Variants in RGS7 observed in about 807,000 individuals in gnomAD.
RGS7 encodes regulator of G protein signaling 7.
In RGS7, 27 loss-of-function variants were observed where a neutral mutation model predicts 81.1. That is an observed-to-expected ratio of 0.33 (90% confidence interval 0.25 to 0.46). RGS7 has a LOEUF of 0.46. RGS7 is among the 20% of genes least tolerant of loss of function. The probability of loss-of-function intolerance (pLI) is 1.00; values close to 1 mark genes in which losing one functional copy is unlikely to be tolerated. For missense variants in RGS7, 396 were observed against 607.4 expected (o/e 0.65, Z 3.66); for synonymous variants, 208 against 207.7 (o/e 1.00, Z -0.01).
chr1:240,957,871 T>A (rs1571989937), intron 4 of RGS7, among the ~76,000 whole-genome samples: 1 of 152,196 alleles, frequency 6.6e-6, no homozygotes, highest in Non-Finnish European at 1.5e-5. Context: ...AAAAAATCAC[T>A]CTACTGCATA....
chr1:241,259,453 G>A (rs562970572), intron 2 of RGS7, among the ~76,000 whole-genome samples: 140 of 151,346 alleles, frequency 9.3e-4, no homozygotes, highest in Middle Eastern at 3.4e-3. Flanking sequence ...TCGGTAGTTC[G>A]AGACCAGCCT....
intron 2 of RGS7, among the ~76,000 whole-genome samples, chr1:241,343,492 T>G (rs959661895): frequency 2.0e-5 from 3 of 152,260 alleles, no homozygotes; most frequent in Middle Eastern, 3.4e-3. Flanking sequence ...ATTCAGCCTT[T>G]AAAAAGGAGA....
At chr1:240,952,131 C>T (rs1373155036) in intron 4 of RGS7, among the ~76,000 whole-genome samples, 9 of 151,910 alleles carry the variant, frequency 5.9e-5, no homozygotes, top group Admixed American at 5.9e-4. Context: ...AGAAAGGTTA[C>T]AAAGAAGTTC....
At chr1:241,055,023 A>G (rs1446707397) in intron 3 of RGS7, among the ~76,000 whole-genome samples, 1 of 152,252 alleles carries the variant, frequency 6.6e-6, no homozygotes, top group African/African-American at 2.4e-5. Context: ...TCATGACAAC[A>G]TTAAAAAAAT....
chr1:240,827,212 T>C, intron 9 of RGS7, 40 bp from the exon 10 acceptor site: 1 of 1,526,684 alleles, frequency 6.6e-7, no homozygotes, highest in Non-Finnish European at 9.1e-7. Flanking sequence ...AATCTTTGGG[T>C]GTGAAATTTC....
intron 6 of RGS7, among the ~76,000 whole-genome samples, chr1:240,889,780 A>G (rs1485082748): frequency 1.3e-5 from 2 of 152,130 alleles, no homozygotes; most frequent in Admixed American, 1.3e-4. Flanking sequence ...GATATGACGC[A>G]TGGTGATTTT....
intron 6 of RGS7, among the ~76,000 whole-genome samples, chr1:240,878,489 C>CTTTTTTTTTTTTTTTTTTTTTTT (rs57896753): frequency 2.6e-5 from 3 of 117,584 alleles, no homozygotes; most frequent in Non-Finnish European, 3.5e-5. Flanking sequence ...TTTTTTCTTT[C>CTTTTTTTTTTTTTTTTTTTTTTT]TTTTTTTTTT....
chr1:240,910,333 A>G (rs1045072091), intron 6 of RGS7, among the ~76,000 whole-genome samples: 2 of 152,226 alleles, frequency 1.3e-5, no homozygotes, highest in Non-Finnish European at 2.9e-5. Context: ...AATAAGCCAG[A>G]AACAGAAAGT....
intron 3 of RGS7, among the ~76,000 whole-genome samples, chr1:240,984,581 G>A (rs1685388262): frequency 6.6e-6 from 1 of 152,148 alleles, no homozygotes; most frequent in South Asian, 2.1e-4. Flanking sequence ...TTGGTTTTCT[G>A]CATAACTCTT....
chr1:240,924,178 A>G (rs1030190826), intron 6 of RGS7, among the ~76,000 whole-genome samples: 1 of 152,190 alleles, frequency 6.6e-6, no homozygotes, highest in African/African-American at 2.4e-5. Context: ...TAATTATTTT[A>G]TGTCAGCCTA....
intron 2 of RGS7, among the ~76,000 whole-genome samples, chr1:241,105,670 TTACC>T (rs1415557954): frequency 2.6e-5 from 4 of 152,194 alleles, no homozygotes; most frequent in Admixed American, 1.3e-4. Context: ...TGCCGGAACT[TTACC>T]ACAATATCAT....
chr1:241,259,667 A>AATATATATATAT (rs59037983), intron 2 of RGS7, among the ~76,000 whole-genome samples: 14 of 49,130 alleles, frequency 2.8e-4, no homozygotes, highest in African/African-American at 1.0e-3. Context: ...AAAAAAAAAA[A>AATATATATATAT]ATATATATAT....
At chr1:241,242,288 G>A (rs574870842) in intron 2 of RGS7, among the ~76,000 whole-genome samples, 40 of 150,496 alleles carry the variant, frequency 2.7e-4, no homozygotes, top group Non-Finnish European at 4.4e-4. Context: ...CCATTATTCC[G>A]TTCCTTTCTA....
At chr1:241,126,832 TGACAGC>T (rs1342378764) in intron 2 of RGS7, among the ~76,000 whole-genome samples, 1 of 151,112 alleles carries the variant, frequency 6.6e-6, no homozygotes, top group African/African-American at 2.4e-5. Flanking sequence ...TTGGTCTAGG[TGACAGC>T]ATTGCCTAAC....
chr1:240,985,580 G>A (rs1245845119), intron 3 of RGS7, among the ~76,000 whole-genome samples: 1 of 152,168 alleles, frequency 6.6e-6, no homozygotes, highest in East Asian at 1.9e-4. Context: ...CTCTGAAGGA[G>A]TCAATTTAAT....
intron 3 of RGS7, among the ~76,000 whole-genome samples, chr1:241,083,129 G>A (rs1187957211): frequency 6.6e-6 from 1 of 151,392 alleles, no homozygotes; most frequent in Non-Finnish European, 1.5e-5. Flanking sequence ...GGAGGCTGAG[G>A]CAGAAGGCTT....
rs1690470737 is a variant in RGS7 at position 240,814,641 on chromosome 1, TTC to T, written c.845+73_845+74del. The T allele has an allele frequency of 2.5e-5, 23 of 904,316 alleles. No individual in the cohort carries two copies. In the East Asian group the frequency reaches 5.5e-4, roughly 22 times the overall value. The allele number at this position is 904,316 out of a possible 1,614,324, so 56.0% of individuals were successfully genotyped here. A position where few individuals can be genotyped will look rare whatever the true frequency, so the allele number is the denominator to read the frequency against. ...TCTGTCCCAACTCCTGTCCCCACAG[TTC>T]TCTTTCATTTTTAAACACATGTAAT... is the stretch of plus-strand genomic sequence containing the variant. On this transcript the variant is annotated intron_variant, in intron 12 of 18. Coordinates refer to ENST00000440928, the MANE Select transcript of RGS7 (RefSeq NM_001364886.1).
At chr1:241,102,782 C>A (rs992792382) in intron 2 of RGS7, among the ~76,000 whole-genome samples, 4 of 152,072 alleles carry the variant, frequency 2.6e-5, no homozygotes, top group Admixed American at 1.3e-4. Context: ...CTCAAGCTGG[C>A]TCAACAAGCT....
chr1:240,848,245 A>G (rs1659454404), intron 9 of RGS7, among the ~76,000 whole-genome samples: 1 of 152,166 alleles, frequency 6.6e-6, no homozygotes, highest in South Asian at 2.1e-4. Flanking sequence ...CAAAAGTATA[A>G]AACAGTTCCA....
Sources: allele counts gnomAD v4.1 joint callset (sites outside exome capture counted in the v4.1 genomes callset), GRCh38; gene constraint gnomAD v4.1.1; transcripts MANE v1.5; gene names NCBI Gene and HGNC (gene_info 2026-07-23, HGNC 2026-07-21).